ZNF875: variants seen among roughly 807,000 people sequenced by gnomAD.
ZNF875 encodes zinc finger protein 875, also known as HKR1, GLI-Kruppel zinc finger family member.
In ZNF875, 14 loss-of-function variants were observed where a neutral mutation model predicts 11.2. The observed-to-expected ratio is 1.26, with a 90% CI of 0.83 to 1.96. The LOEUF is 1.96. ZNF875 is among the 30% of genes most tolerant of loss of function. ZNF875 has a pLI of 0.00. For synonymous variants in ZNF875, 301 were observed against 281.1 expected (o/e 1.07, Z -0.71); for missense variants, 752 against 760.4 (o/e 0.99, Z 0.13).
At position 37,364,054 on chromosome 19, in the gene ZNF875, A is replaced by T; in HGVS notation, c.*279A>T. On this transcript the variant is annotated 3_prime_UTR_variant, in exon 5 of 5. Coordinates refer to ENST00000392153, the MANE Select transcript of ZNF875 (RefSeq NM_001353803.2). ...TCAGGTAATGATAGTGGCAGGAGGC[A>T]GTCAAATGCCCAGGCAGATAGGGGT... is the stretch of plus-strand genomic sequence containing the variant. 2.5e-6 allele frequency: 1 copy of T among 402,100 alleles called. No homozygotes were observed. Among genetic ancestry groups the T allele is most frequent in the South Asian group, 3.9e-5 (1 of 25,402 alleles). The allele number at this position is 402,100 out of a possible 1,614,324, so 24.9% of individuals were successfully genotyped here.
intron 4 of ZNF875, 23 bp from the exon 5 acceptor site, chr19:37,362,086 T>C: frequency 6.3e-7 from 1 of 1,580,304 alleles, no homozygotes; most frequent in Non-Finnish European, 8.6e-7. Context: ...ATGGCCCCTC[T>C]GAAAATGTTC....
upstream of ZNF875, among the ~76,000 whole-genome samples, chr19:37,332,237 A>G (rs1473077423): frequency 2.0e-5 from 3 of 148,878 alleles, no homozygotes; most frequent in Non-Finnish European, 4.5e-5. Flanking sequence ...GGGATCCTCC[A>G]TATGCTGAAC....
Position 37,362,822 on chromosome 19 carries a change from A to C in ZNF875, c.970A>C (p.Asn324His). Reference sequence around the variant, plus strand: ...TGGACGAGGCTTTACTTGGAAGTCGAACCTCTTTACACATCAGCGGACACA... The same window carrying C: ...TGGACGAGGCTTTACTTGGAAGTCGCACCTCTTTACACATCAGCGGACACA... ...DCGRGFTWKS[N>H]LFTHQRTHSG... Residue 324 changes from asparagine to histidine, a missense_variant, in exon 5 of 5, where the codon AAC becomes CAC. Physicochemically the swap from Asn to His is moderately conservative, Grantham distance 68 (BLOSUM62 1). Transcript: ENST00000392153. The C allele has an allele frequency of 6.2e-7, 1 of 1,613,786 alleles. No homozygotes were observed. Among genetic ancestry groups the C allele is most frequent in the East Asian group, 2.2e-5 (1 of 44,840 alleles).
chr19:37,318,807 CA>C (rs1449166286), intron 1 of ZNF875, among the ~76,000 whole-genome samples: 2 of 152,078 alleles, frequency 1.3e-5, no homozygotes, highest in Non-Finnish European at 2.9e-5. Flanking sequence ...AGGTGTGAGC[CA>C]CCGCGCCCAG....
In ZNF875 at chr19:37,340,644, C is replaced by CTTTT. The variant is rs386388968; in HGVS notation, c.33+5406_33+5409dup. Among the ~76,000 whole-genome samples, 121 of 104,698 alleles carry CTTTT rather than the reference C, an allele frequency of 1.2e-3. 5 individuals carry two copies. The highest frequency in any genetic ancestry group is 2.9e-3 in the East Asian group (10 of 3,454). The allele number at this position is 104,698 out of a possible 152,430, so 68.7% of individuals were successfully genotyped here. A position where few individuals can be genotyped will look rare whatever the true frequency, so the allele number is the denominator to read the frequency against. On this transcript the variant is annotated intron_variant, in intron 2 of 4. Transcript: ENST00000392153. ...CCACAGGGGAGTCATCTTATGTGTA[C>CTTTT]TTTTTTTTTTTTTTTTTTTTTTGAG...
At chr19:37,333,323 G>C (rs981526182), upstream of ZNF875, among the ~76,000 whole-genome samples, 1 of 147,578 alleles carries the variant, frequency 6.8e-6, no homozygotes, top group African/African-American at 2.5e-5. Context: ...CCCCATGCCT[G>C]ACTGTGGTTC....
intron 1 of ZNF875, among the ~76,000 whole-genome samples, chr19:37,319,556 G>C (rs1362335208): frequency 6.6e-6 from 1 of 151,780 alleles, no homozygotes; most frequent in Non-Finnish European, 1.5e-5. Flanking sequence ...CCTTATTCTT[G>C]ATTCTCAGCT....
intron 2 of ZNF875, chr19:37,346,324 T>G (rs2036758758): frequency 6.6e-6 from 1 of 152,202 alleles, no homozygotes; most frequent in African/African-American, 2.4e-5. Context: ...GCTAATTCAG[T>G]GCCTGAGGTT....
chr19:37,346,241 C>G (rs1165887229), intron 2 of ZNF875: 1 of 152,198 alleles, frequency 6.6e-6, no homozygotes, highest in Non-Finnish European at 1.5e-5. Flanking sequence ...TCACAGTAAT[C>G]CTAATCCTCA....
intron 2 of ZNF875, among the ~76,000 whole-genome samples, chr19:37,341,537 G>A (rs2035724262): frequency 6.6e-6 from 1 of 152,138 alleles, no homozygotes; most frequent in East Asian, 1.9e-4. Flanking sequence ...TAACGTTTTG[G>A]CTTTTGTCAT....
At chr19:37,327,350 A>G (rs2032645572) in intron 4 of ZNF875, among the ~76,000 whole-genome samples, 1 of 152,082 alleles carries the variant, frequency 6.6e-6, no homozygotes, top group Admixed American at 6.5e-5. Flanking sequence ...TTGATTTTTA[A>G]ATGACAGGTC....
chr19:37,344,299 T>C (rs2036345508), intron 2 of ZNF875, among the ~76,000 whole-genome samples: 1 of 152,180 alleles, frequency 6.6e-6, no homozygotes, highest in Admixed American at 6.5e-5. Context: ...TTGGAAGCCT[T>C]GTTCAAACAT....
intron 2 of ZNF875, among the ~76,000 whole-genome samples, chr19:37,339,139 T>C (rs2146023226): frequency 1.3e-5 from 2 of 152,204 alleles, no homozygotes; most frequent in Admixed American, 1.3e-4. Flanking sequence ...TCTTCCATTT[T>C]ATTTTAGGAT....
At chr19:37,333,657 A>G (rs1370337424), upstream of ZNF875, among the ~76,000 whole-genome samples, 1 of 152,116 alleles carries the variant, frequency 6.6e-6, no homozygotes, top group African/African-American at 2.4e-5. Flanking sequence ...AAGTCAGGAA[A>G]GGAAAAGATG....
chr19:37,325,285 G>C (rs1457382600), intron 4 of ZNF875, among the ~76,000 whole-genome samples: 2 of 152,106 alleles, frequency 1.3e-5, no homozygotes, highest in African/African-American at 4.8e-5. Flanking sequence ...GTACCCACCA[G>C]ATGTGTCTGT....
rs1230078591 is a variant in ZNF875 at position 37,347,795 on chromosome 19, C to A, written c.179C>A (p.Pro60Gln). ...LVSLEIPSSK[P>Q]KLIAQLERGE... ...TGAACAGAAATTCCATCTTCTAAAC[C>A]AAAACTCATTGCTCAGCTGGAGCGA... The change falls in exon 4 of 5, where the codon CCA becomes CAA. Residue 60 changes from proline to glutamine, a missense_variant. By Grantham distance (76) the Pro-to-Gln change is moderately conservative. Transcript: ENST00000392153. 1.2e-5 allele frequency: 19 copies of A among 1,612,782 alleles called. No homozygotes were observed. In the East Asian group the frequency reaches 4.2e-4, roughly 36 times the overall value.
At chr19:37,331,634 A>G (rs559095798), upstream of ZNF875, among the ~76,000 whole-genome samples, 303 of 147,828 alleles carry the variant, frequency 2.0e-3, 3 homozygotes, top group African/African-American at 7.0e-3. Flanking sequence ...CATGCTCCTT[A>G]AGAGTCATCA....
chr19:37,361,197 G>A (rs1256342267), intron 4 of ZNF875, among the ~76,000 whole-genome samples: 2 of 144,134 alleles, frequency 1.4e-5, no homozygotes, highest in African/African-American at 2.6e-5. Context: ...TGCAACGTCC[G>A]CCTCCGGGGT....
upstream of ZNF875, among the ~76,000 whole-genome samples, chr19:37,330,941 G>A (rs1336928805): frequency 7.2e-5 from 11 of 151,948 alleles, no homozygotes; most frequent in African/African-American, 1.4e-4. Flanking sequence ...TAATCCCAGC[G>A]TTTGGGAGGC....
Sources: gnomAD v4.1 joint callset for allele counts (sites outside exome capture counted in the v4.1 genomes callset) on GRCh38, gnomAD v4.1.1 for gene constraint, MANE v1.5 for transcripts, NCBI Gene and HGNC (gene_info 2026-07-23, HGNC 2026-07-21) for gene names.